The following FGF12 variants were observed in gnomAD, a reference collection of about 807,000 sequenced individuals.
FGF12 encodes fibroblast growth factor 12B.
Under a neutral mutation model 23.6 loss-of-function variants are expected in FGF12, and 14 were observed. The observed-to-expected ratio is 0.59, with a 90% CI of 0.39 to 0.93. The LOEUF is 0.93. Ranked by LOEUF, FGF12 falls within the 40% of genes least tolerant of loss-of-function variation. The pLI is 0.00. For synonymous variants in FGF12, 62 were observed against 77.3 expected (o/e 0.80, Z 1.04); for missense variants, 175 against 217.8 (o/e 0.80, Z 1.24).
rs182292523 is a variant in FGF12 at position 192,203,277 on chromosome 3, T to C, written c.229-32621A>G. On this transcript the variant is annotated intron_variant, in intron 4 of 5. Transcript: ENST00000445105. ...TCATATGCATTTGTCTTATAACCTG[T>C]TTTTTACCTTGACCTAGCTTAATGA... is the stretch of plus-strand genomic sequence containing the variant. Among the ~76,000 whole-genome samples the C allele has an allele frequency of 5.9e-5, 9 of 152,266 alleles. No individual in the cohort carries two copies. The East Asian group carries it at 1.7e-3, about 29-fold the overall frequency.
chr3:192,674,299 T>A (rs1386940670), intron 2 of FGF12, among the ~76,000 whole-genome samples: 1 of 152,240 alleles, frequency 6.6e-6, no homozygotes, highest in Non-Finnish European at 1.5e-5. Flanking sequence ...AAAGGCATGC[T>A]ATCCACTGAC....
intron 4 of FGF12, among the ~76,000 whole-genome samples, chr3:192,240,080 C>T (rs1719526312): frequency 6.6e-6 from 1 of 152,182 alleles, no homozygotes; most frequent in African/African-American, 2.4e-5. Flanking sequence ...ATACATTTTT[C>T]ATAGATGTTG....
chr3:192,699,161 A>T (rs1206916180), intron 2 of FGF12, among the ~76,000 whole-genome samples: 1 of 152,130 alleles, frequency 6.6e-6, no homozygotes, highest in African/African-American at 2.4e-5. Flanking sequence ...GTCCTCACCT[A>T]TCTCCAAATA....
Position 192,672,386 on chromosome 3 carries a change from A to C in FGF12, c.13+54795T>G, listed in dbSNP as rs897489939. ...TTAAAGTCTGGTATGGACAAACCTG[A>C]AAATTCCAAGTAGATGAACACACAT... On this transcript the variant is annotated intron_variant, in intron 2 of 5. Coordinates refer to ENST00000445105, the MANE Select transcript of FGF12 (RefSeq NM_004113.6). 2.6e-5 allele frequency among the ~76,000 whole-genome samples: 4 copies of C among 151,106 alleles called. 1 individual carries two copies. Among genetic ancestry groups the C allele is most frequent in the Non-Finnish European group, 5.9e-5 (4 of 67,526 alleles).
chr3:192,644,040 G>T (rs756411603), intron 2 of FGF12, among the ~76,000 whole-genome samples: 1 of 152,140 alleles, frequency 6.6e-6, no homozygotes, highest in African/African-American at 2.4e-5. Flanking sequence ...AAATATGAAG[G>T]TCTAAAAAAG....
Position 192,632,675 on chromosome 3 carries a change from A to T in FGF12, c.13+94506T>A, listed in dbSNP as rs531007978. Among the ~76,000 whole-genome samples the T allele has an allele frequency of 4.6e-5, 7 of 152,364 alleles. No individual in the cohort carries two copies. The South Asian group carries it at 1.5e-3, about 32-fold the overall frequency. ...TTCTTAATTTGATTCTGGTTCATTA[A>T]TTCTTATCGAAACTCTCAGAGGTAA... is the stretch of plus-strand genomic sequence containing the variant. On this transcript the variant is annotated intron_variant, in intron 2 of 5. Coordinates refer to ENST00000445105, the MANE Select transcript of FGF12 (RefSeq NM_004113.6).
In FGF12 at chr3:192,255,011, G is replaced by A. The variant is rs367952027; in HGVS notation, c.228+80350C>T. ...AGGTATGGATGTGAACTAGTAGGAA[G>A]AGTATTAACTTAGGAGGCACACTGA... On this transcript the variant is annotated intron_variant, in intron 4 of 5. Coordinates refer to ENST00000445105, the MANE Select transcript of FGF12 (RefSeq NM_004113.6). Among the ~76,000 whole-genome samples the A allele has an allele frequency of 1.7e-3, 256 of 152,160 alleles. 8 individuals carry two copies. The South Asian group carries it at 0.051, about 31-fold the overall frequency.
At chr3:192,351,926 T>C (rs1718236765) in intron 3 of FGF12, among the ~76,000 whole-genome samples, 1 of 152,148 alleles carries the variant, frequency 6.6e-6, no homozygotes, top group African/African-American at 2.4e-5. Flanking sequence ...GCTTGCCTCC[T>C]GGATAAGATT....
At position 192,409,489 on chromosome 3, in the gene FGF12, C is replaced by T. The variant is rs1277366033; in HGVS notation, c.14-48951G>A. ...GCTGCCCGTGCCCCCTAGGCTCGCG[C>T]GCCCCGGCAGTCAGCAGCTCACAGG... On this transcript the variant is annotated intron_variant, in intron 2 of 5. Transcript: ENST00000445105. The surrounding 1 kb of genome is among the most constrained non-coding windows in gnomAD (Gnocchi z 4.8). Among the ~76,000 whole-genome samples, 1 of 152,166 alleles carries T rather than the reference C, an allele frequency of 6.6e-6. No homozygotes were observed. Among genetic ancestry groups the T allele is most frequent in the African/African-American group, 2.4e-5 (1 of 41,448 alleles).
At chr3:192,562,089 G>C (rs184771746) in intron 2 of FGF12, among the ~76,000 whole-genome samples, 1 of 152,234 alleles carries the variant, frequency 6.6e-6, no homozygotes, top group East Asian at 1.9e-4. Context: ...TAATTAACTA[G>C]TGATACACAA....
intron 5 of FGF12, among the ~76,000 whole-genome samples, chr3:192,157,369 TATTTA>T (rs1714485059): frequency 6.6e-6 from 1 of 152,248 alleles, no homozygotes; most frequent in South Asian, 2.1e-4. Flanking sequence ...TTGTTCTATT[TATTTA>T]ATTCTTGCTT....
intron 4 of FGF12, among the ~76,000 whole-genome samples, chr3:192,183,521 A>G (rs2108636893): frequency 6.6e-6 from 1 of 152,342 alleles, no homozygotes; most frequent in East Asian, 1.9e-4. Context: ...CCAAAGAAGA[A>G]TGAAGACAGA....
intron 4 of FGF12, among the ~76,000 whole-genome samples, chr3:192,184,469 A>C (rs1716346395): frequency 6.6e-6 from 1 of 152,202 alleles, no homozygotes; most frequent in Admixed American, 6.5e-5. Flanking sequence ...TATGAACAGG[A>C]TAAAACCAGA....
At chr3:192,510,565 G>A (rs1490391399) in intron 2 of FGF12, among the ~76,000 whole-genome samples, 1 of 150,608 alleles carries the variant, frequency 6.6e-6, no homozygotes. Flanking sequence ...GTTTGACACT[G>A]TCTTACCAAA....
chr3:192,600,960 G>T lies in FGF12; in HGVS notation c.13+126221C>A, dbSNP rs542324022. On this transcript the variant is annotated intron_variant, in intron 2 of 5. Transcript: ENST00000445105. ...TCCTACTACTGAGCATCTATCCCAA[G>T]GAAGGGAAATTAGCAATATCAAAGA... 3.3e-5 allele frequency among the ~76,000 whole-genome samples: 5 copies of T among 152,146 alleles called. No individual in the cohort carries two copies. In the South Asian group the frequency reaches 1.0e-3, roughly 32 times the overall value.
intron 2 of FGF12, among the ~76,000 whole-genome samples, chr3:192,700,853 A>C (rs1718270641): frequency 6.6e-6 from 1 of 152,228 alleles, no homozygotes; most frequent in Non-Finnish European, 1.5e-5. Flanking sequence ...CTTTGTAGCA[A>C]TAAAATTCCA....
rs145343958 is a variant in FGF12 at position 192,561,121 on chromosome 3, G to A, written c.13+166060C>T. Among the ~76,000 whole-genome samples, 196 of 151,970 alleles carry A rather than the reference G, an allele frequency of 1.3e-3. 1 individual carries two copies. Among genetic ancestry groups the A allele is most frequent in the African/African-American group, 4.6e-3 (189 of 41,444 alleles). ...AAAATCTATAAGGGAAAGGGGAAGCGGGGAGTAACCAACATATATATATGC... is the reference window on the plus strand; with the variant it reads ...AAAATCTATAAGGGAAAGGGGAAGCAGGGAGTAACCAACATATATATATGC... On this transcript the variant is annotated intron_variant, in intron 2 of 5. Transcript: ENST00000445105.
At chr3:192,429,237 A>G (rs897683130) in intron 2 of FGF12, among the ~76,000 whole-genome samples, 1 of 152,172 alleles carries the variant, frequency 6.6e-6, no homozygotes, top group East Asian at 1.9e-4. Flanking sequence ...GCCCTCGCAG[A>G]TTAATAATTT....
At chr3:192,323,828 T>A (rs909152076) in intron 4 of FGF12, among the ~76,000 whole-genome samples, 3 of 152,142 alleles carry the variant, frequency 2.0e-5, no homozygotes, top group Non-Finnish European at 2.9e-5. Context: ...TGGTGGCTCA[T>A]GCCCGTAATC....
Sources: gnomAD v4.1 joint callset for allele counts (sites outside exome capture counted in the v4.1 genomes callset) on GRCh38, gnomAD v4.1.1 for gene constraint, Gnocchi (gnomAD v3.1) non-coding constraint, MANE v1.5 for transcripts, NCBI Gene and HGNC (gene_info 2026-07-23, HGNC 2026-07-21) for gene names.